Variants in NALF1 observed in about 807,000 individuals in gnomAD.
The protein encoded by NALF1 is family with sequence similarity 155 member A.
Under a neutral mutation model 48.4 loss-of-function variants are expected in NALF1, and 3 were observed. The observed-to-expected ratio is 0.06, with a 90% CI of 0.03 to 0.16. The LOEUF is 0.16. NALF1 is among the 10% of genes least tolerant of loss of function. The probability of loss-of-function intolerance (pLI) is 1.00; values close to 1 mark genes in which losing one functional copy is unlikely to be tolerated. For synonymous variants in NALF1, 262 were observed against 245.7 expected (o/e 1.07, Z -0.62); for missense variants, 526 against 571.5 (o/e 0.92, Z 0.81).
chr13:107,515,344 G>A (rs1181795319), intron 1 of NALF1, among the ~76,000 whole-genome samples: 2 of 152,170 alleles, frequency 1.3e-5, no homozygotes, highest in African/African-American at 2.4e-5. Context: ...AAACCAGGCT[G>A]ATAGTATGTT....
At chr13:107,519,676 A>G (rs1212498991) in intron 1 of NALF1, among the ~76,000 whole-genome samples, 3 of 152,184 alleles carry the variant, frequency 2.0e-5, no homozygotes. Context: ...CATATAATAT[A>G]TAATATCAAA....
At position 107,654,919 on chromosome 13, in the gene NALF1, G is replaced by A. The variant is rs148470475; in HGVS notation, c.915+210763C>T. 7.6e-3 allele frequency among the ~76,000 whole-genome samples: 1,160 copies of A among 152,116 alleles called. 18 individuals carry two copies. The highest frequency in any genetic ancestry group is 0.027 in the African/African-American group (1,109 of 41,528). On this transcript the variant is annotated intron_variant, in intron 1 of 2. Coordinates refer to ENST00000375915, the MANE Select transcript of NALF1 (RefSeq NM_001080396.3). Reference sequence around the variant, plus strand: ...AAATCACATGATCATCTCAACAGACGTAGAAAAAGCATTTGACAAAATCCA... The same window carrying A: ...AAATCACATGATCATCTCAACAGACATAGAAAAAGCATTTGACAAAATCCA...
intron 1 of NALF1, among the ~76,000 whole-genome samples, chr13:107,346,545 A>G (rs937057000): frequency 1.3e-5 from 2 of 152,208 alleles, no homozygotes; most frequent in Non-Finnish European, 2.9e-5. Flanking sequence ...GAATCCTCTT[A>G]TATATGACAG....
chr13:107,823,710 T>C (rs1253738303), intron 1 of NALF1, among the ~76,000 whole-genome samples: 3 of 152,200 alleles, frequency 2.0e-5, no homozygotes, highest in Non-Finnish European at 4.4e-5. Context: ...GCTCCTCTCT[T>C]GACACAATTT....
At chr13:107,262,788 C>CTT (rs1287466671) in intron 1 of NALF1, among the ~76,000 whole-genome samples, 2 of 151,920 alleles carry the variant, frequency 1.3e-5, no homozygotes, top group East Asian at 3.9e-4. Context: ...CTCTCTCTCT[C>CTT]TCTCTCTCTC....
At chr13:107,442,271 T>A (rs962091374) in intron 1 of NALF1, among the ~76,000 whole-genome samples, 1 of 152,156 alleles carries the variant, frequency 6.6e-6, no homozygotes, top group Non-Finnish European at 1.5e-5. Context: ...GTAAGAACAA[T>A]TTAGAATTCA....
At chr13:107,256,815 C>G (rs1880825588) in intron 1 of NALF1, among the ~76,000 whole-genome samples, 1 of 152,078 alleles carries the variant, frequency 6.6e-6, no homozygotes, top group Non-Finnish European at 1.5e-5. Context: ...ATGGAATTAA[C>G]CATAAAGATT....
At position 107,645,720 on chromosome 13, in the gene NALF1, T is replaced by C. The variant is rs188901996; in HGVS notation, c.915+219962A>G. The stretch of plus-strand genomic sequence containing the variant: ...AAAAAAAAAAATCCCTGTTTTACTC[T>C]CCAGCTGTTCTGTGCCTGGTTTCTT... On this transcript the variant is annotated intron_variant, in intron 1 of 2. Transcript: ENST00000375915. Among the ~76,000 whole-genome samples, 267 of 150,990 alleles carry C rather than the reference T, an allele frequency of 1.8e-3. No homozygotes were observed. The Middle Eastern group carries it at 0.021, about 12-fold the overall frequency.
At chr13:107,436,498 C>A (rs1884465850) in intron 1 of NALF1, among the ~76,000 whole-genome samples, 1 of 152,072 alleles carries the variant, frequency 6.6e-6, no homozygotes, top group Non-Finnish European at 1.5e-5. Context: ...TTAGTCAATG[C>A]AGTAAAAGCA....
intron 1 of NALF1, among the ~76,000 whole-genome samples, chr13:107,841,453 T>A (rs1193297794): frequency 1.3e-5 from 2 of 151,996 alleles, no homozygotes; most frequent in African/African-American, 4.8e-5. Context: ...GTAGAAAAAA[T>A]TCATATTAAA....
chr13:107,506,584 G>C (rs886306166), intron 1 of NALF1, among the ~76,000 whole-genome samples: 3 of 76,736 alleles, frequency 3.9e-5, no homozygotes, highest in Non-Finnish European at 9.4e-5. Context: ...AGCCACTGTT[G>C]TGCATTTTTC....
chr13:107,607,708 C>T (rs1594157150), intron 1 of NALF1, among the ~76,000 whole-genome samples: 1 of 152,164 alleles, frequency 6.6e-6, no homozygotes, highest in East Asian at 1.9e-4. Flanking sequence ...GGTTGGAGTC[C>T]TGGTTCTCTC....
intron 1 of NALF1, among the ~76,000 whole-genome samples, chr13:107,546,924 A>C: frequency 6.6e-6 from 1 of 152,188 alleles, no homozygotes; most frequent in East Asian, 1.9e-4. Flanking sequence ...TGGCAAGCCT[A>C]GTATTCTAAA....
chr13:107,761,070 C>T (rs1426275845), intron 1 of NALF1, among the ~76,000 whole-genome samples: 3 of 152,046 alleles, frequency 2.0e-5, no homozygotes, highest in Admixed American at 6.6e-5. Flanking sequence ...TGGCAAACAC[C>T]GGCCAGGCGC....
At chr13:107,502,163 A>G (rs933466487) in intron 1 of NALF1, among the ~76,000 whole-genome samples, 3 of 152,190 alleles carry the variant, frequency 2.0e-5, no homozygotes, top group Admixed American at 6.6e-5. Flanking sequence ...AATTTTCATG[A>G]AAATACAAAT....
In NALF1 at chr13:107,168,936, G is replaced by A. The variant is rs1338596419; in HGVS notation, c.*1561C>T. 1.3e-5 allele frequency: 2 copies of A among 151,672 alleles called. No homozygotes were observed. Among genetic ancestry groups the A allele is most frequent in the Non-Finnish European group, 2.9e-5 (2 of 67,924 alleles). 9.4% of individuals were successfully genotyped at this position (151,672 alleles called of 1,614,324 possible). A position where few individuals can be genotyped will look rare whatever the true frequency, so the allele number is the denominator to read the frequency against. ...ATCTGAAGTGCACTTCCCAAGTGTA[G>A]TTAGAGAATAGGAAGGAATGTAAAA... is the stretch of plus-strand genomic sequence containing the variant. On this transcript the variant is annotated 3_prime_UTR_variant, in exon 3 of 3. Transcript: ENST00000375915.
intron 1 of NALF1, among the ~76,000 whole-genome samples, chr13:107,725,489 C>T (rs1032435963): frequency 6.6e-6 from 1 of 152,172 alleles, no homozygotes; most frequent in Non-Finnish European, 1.5e-5. Context: ...GGGCAGATCA[C>T]CTGAAGTCAG....
intron 1 of NALF1, among the ~76,000 whole-genome samples, chr13:107,676,613 T>G (rs1881131375): frequency 6.8e-6 from 1 of 146,616 alleles, no homozygotes. Flanking sequence ...TTTAATTAAT[T>G]TAATTAATTA....
chr13:107,361,319 A>G (rs138020373), intron 1 of NALF1, among the ~76,000 whole-genome samples: 22 of 152,322 alleles, frequency 1.4e-4, no homozygotes, highest in African/African-American at 4.6e-4. Flanking sequence ...CCACCGAATG[A>G]ACAAGAAACT....
Sources: allele counts gnomAD v4.1 joint callset (sites outside exome capture counted in the v4.1 genomes callset), GRCh38; gene constraint gnomAD v4.1.1; transcripts MANE v1.5; gene names NCBI Gene and HGNC (gene_info 2026-07-23, HGNC 2026-07-21).